The following SLC17A4 variants were observed in gnomAD, a reference collection of about 807,000 sequenced individuals.
The protein encoded by SLC17A4 is solute carrier family 17 member 4.
Under a neutral mutation model 52.5 loss-of-function variants are expected in SLC17A4, and 33 were observed. The ratio of observed to expected loss-of-function variants is 0.63; its 90% CI spans 0.48 to 0.84. The LOEUF is 0.84. Among genes scored for constraint, SLC17A4 ranks in the 40% least tolerant of loss-of-function variants. The pLI is 0.00. For missense variants in SLC17A4, 585 were observed against 597.1 expected, an observed-to-expected ratio of 0.98 and a Z score of 0.21; for synonymous variants, 225 against 216.2, an observed-to-expected ratio of 1.04 and a Z score of -0.36.
At chr6:25,756,601 G>A (rs540646404) in intron 1 of SLC17A4, among the ~76,000 whole-genome samples, 64 of 152,080 alleles carry the variant, frequency 4.2e-4, no homozygotes, top group African/African-American at 1.4e-3. Flanking sequence ...CTTCACCCTC[G>A]GCTGTCTGTT....
chr6:25,774,872 A>G (rs1762772617), intron 8 of SLC17A4, among the ~76,000 whole-genome samples: 1 of 152,246 alleles, frequency 6.6e-6, no homozygotes, highest in Non-Finnish European at 1.5e-5. Flanking sequence ...CGGCTTACGC[A>G]TCTGTAAAAT....
intron 6 of SLC17A4, among the ~76,000 whole-genome samples, chr6:25,772,669 C>A (rs893711074): frequency 2.6e-5 from 4 of 152,088 alleles, no homozygotes; most frequent in African/African-American, 7.2e-5. Flanking sequence ...TACTGCTGCT[C>A]ACTCTTATGT....
intron 8 of SLC17A4, among the ~76,000 whole-genome samples, chr6:25,773,876 C>T (rs893671009): frequency 1.3e-5 from 2 of 152,048 alleles, no homozygotes; most frequent in Non-Finnish European, 2.9e-5. Context: ...GAGGATGATA[C>T]ATATGGTTCT....
chr6:25,777,652 CA>C (rs1257833647), intron 10 of SLC17A4: 1 of 319,290 alleles, frequency 3.1e-6, no homozygotes, highest in African/African-American at 2.1e-5. Flanking sequence ...GACCATCTTG[CA>C]TAAACAATGT....
rs181877003 is a variant in SLC17A4, at chr6:25,764,645, G to T, written c.91+2592G>T. 2.0e-3 allele frequency among the ~76,000 whole-genome samples: 300 copies of T among 152,320 alleles called. 4 individuals carry two copies. The highest frequency in any genetic ancestry group is 6.9e-3 in the African/African-American group (286 of 41,578). The stretch of plus-strand genomic sequence containing the variant: ...GGAAGAACAAAGAGGATGCTGTGGA[G>T]CTTCAGCTTGTGCTCCTCAGCTTGG... On this transcript the variant is annotated intron_variant, in intron 2 of 11. Coordinates refer to ENST00000377905, the MANE Select transcript of SLC17A4 (RefSeq NM_005495.3).
At chr6:25,773,944 T>A (rs115954637) in intron 8 of SLC17A4, among the ~76,000 whole-genome samples, 1 of 152,168 alleles carries the variant, frequency 6.6e-6, no homozygotes. Context: ...ATACTATTCA[T>A]ATTTATCATA....
Position 25,776,864 on chromosome 6 carries a change from C to A in SLC17A4, c.1173C>A (p.Ser391Arg). ...TGTCCCTGCCCTGGGTCAGATCCAG[C>A]CACAGCATGACCATGACCTTCTTGG... Reference protein sequence around the residue: ...ILVSLPWVRSSHSMTMTFLVL... With the variant: ...ILVSLPWVRSRHSMTMTFLVL... The change falls in exon 10 of 12, where the codon AGC becomes AGA. Residue 391 changes from serine (S) to arginine (R), a missense_variant. Transcript: ENST00000377905. The A allele has an allele frequency of 6.2e-7, 1 of 1,613,952 alleles. No individual in the cohort carries two copies. The highest frequency in any genetic ancestry group is 8.5e-7 in the Non-Finnish European group (1 of 1,179,898).
chr6:25,777,519 C>T (rs1169944475), intron 10 of SLC17A4: 5 of 161,074 alleles, frequency 3.1e-5, no homozygotes, highest in East Asian at 1.8e-4. Flanking sequence ...TTTATACCCA[C>T]GGAGGGTATA....
chr6:25,769,058 G>C lies in SLC17A4; in HGVS notation c.165G>C (p.Met55Ile). The C allele has an allele frequency of 6.2e-7, 1 of 1,613,988 alleles. No individual in the cohort carries two copies. The highest frequency in any genetic ancestry group is 8.5e-7 in the Non-Finnish European group (1 of 1,179,990). ...LCNFSIYTQQ[M>I]NLSIAIPAMV... ...ATTTTTCAATTTACACCCAACAAAT[G>C]AACTTGAGCATTGCCATCCCAGCTA... is the stretch of plus-strand genomic sequence containing the variant. The change falls in exon 3 of 12, where the codon ATG (methionine) becomes ATC (isoleucine). Residue 55 changes from methionine to isoleucine, a missense_variant. Coordinates refer to ENST00000377905, the MANE Select transcript of SLC17A4 (RefSeq NM_005495.3).
intron 10 of SLC17A4, 50 bp downstream of exon 10, chr6:25,777,009 CA>C (rs1427853571): frequency 6.4e-7 from 1 of 1,555,556 alleles, no homozygotes; most frequent in Non-Finnish European, 8.7e-7. Flanking sequence ...TCAAGTCTAG[CA>C]GCCCTAAATC....
Position 25,770,433 on chromosome 6 carries a change from C to G in SLC17A4, c.581C>G (p.Pro194Arg). The change falls in exon 5 of 12, where the codon CCA (proline) becomes CGA (arginine). Residue 194 changes from proline to arginine, a missense_variant. Pro to Arg is a moderately radical substitution (Grantham distance 103). Coordinates refer to ENST00000377905, the MANE Select transcript of SLC17A4 (RefSeq NM_005495.3). ...QYSIWVKWAP[P>R]LERSQLTTIA... ...TCAATTTGGGTCAAATGGGCTCCCC[C>G]ACTGGAAAGGAGTCAACTCACCACC... 3 of 1,614,114 alleles carry G rather than the reference C, an allele frequency of 1.9e-6. No homozygotes were observed. Among genetic ancestry groups the G allele is most frequent in the African/African-American group, 1.3e-5 (1 of 75,034 alleles).
intron 1 of SLC17A4, among the ~76,000 whole-genome samples, chr6:25,755,048 TACACAC>T (rs35878702): frequency 0.059 from 8,599 of 144,788 alleles, 280 homozygotes; most frequent in African/African-American, 0.082. Flanking sequence ...CACACACACA[TACACAC>T]ACACACACAC....
intron 2 of SLC17A4, among the ~76,000 whole-genome samples, chr6:25,765,851 C>A (rs1437066184): frequency 6.6e-6 from 1 of 151,834 alleles, no homozygotes; most frequent in African/African-American, 2.4e-5. Flanking sequence ...GAACTCAAAT[C>A]ATGAAAAAAT....
intron 1 of SLC17A4, among the ~76,000 whole-genome samples, chr6:25,759,743 T>C (rs1436921747): frequency 6.6e-6 from 1 of 152,210 alleles, no homozygotes; most frequent in Non-Finnish European, 1.5e-5. Flanking sequence ...CCCACCTCTT[T>C]ACCTTAAGTT....
chr6:25,760,164 G>T (rs983365080), intron 1 of SLC17A4, among the ~76,000 whole-genome samples: 1 of 152,144 alleles, frequency 6.6e-6, no homozygotes. Flanking sequence ...ATAGGATCTG[G>T]TTCTTTTAAT....
At chr6:25,757,353 C>T (rs1308567103) in intron 1 of SLC17A4, among the ~76,000 whole-genome samples, 4 of 152,120 alleles carry the variant, frequency 2.6e-5, no homozygotes, top group Non-Finnish European at 5.9e-5. Context: ...TATCCCTTTA[C>T]ATTTTATTCC....
At chr6:25,759,591 T>A (rs1235278707) in intron 1 of SLC17A4, among the ~76,000 whole-genome samples, 1 of 152,250 alleles carries the variant, frequency 6.6e-6, no homozygotes, top group Non-Finnish European at 1.5e-5. Flanking sequence ...AAGTTTGTTT[T>A]GTCTGATGTA....
rs1361382567 is a variant in SLC17A4, at chr6:25,774,819, C to T, written c.987+1145C>T. ...GTCAAGAGACCTGGATTCTCATTGCCTTCAGGGCATTTTCTCACAAAGTCA... is the reference window on the plus strand; with the variant it reads ...GTCAAGAGACCTGGATTCTCATTGCTTTCAGGGCATTTTCTCACAAAGTCA... On this transcript the variant is annotated intron_variant, in intron 8 of 11. Coordinates refer to ENST00000377905, the MANE Select transcript of SLC17A4 (RefSeq NM_005495.3). Among the ~76,000 whole-genome samples, 3 of 152,274 alleles carry T rather than the reference C, an allele frequency of 2.0e-5. No individual in the cohort carries two copies. The East Asian group carries it at 5.8e-4, about 29-fold the overall frequency.
chr6:25,769,995 C>T, intron 3 of SLC17A4, 72 bp from the exon 4 acceptor site: 2 of 1,375,130 alleles, frequency 1.5e-6, no homozygotes, highest in Non-Finnish European at 2.0e-6. Flanking sequence ...TAATTTTTGC[C>T]TCTCAAGTCC....
Sources: gnomAD v4.1 joint callset for allele counts (sites outside exome capture counted in the v4.1 genomes callset) on GRCh38, gnomAD v4.1.1 for gene constraint, MANE v1.5 for transcripts, NCBI Gene and HGNC (gene_info 2026-07-23, HGNC 2026-07-21) for gene names.